The following RASSF4 variants were observed in gnomAD, a reference collection of about 807,000 sequenced individuals.
RASSF4 encodes ras association domain-containing protein 4.
Under a neutral mutation model 41.1 loss-of-function variants are expected in RASSF4, and 38 were observed. The ratio of observed to expected loss-of-function variants is 0.92; its 90% CI spans 0.71 to 1.21. RASSF4 has a LOEUF of 1.21. Ranked by LOEUF, RASSF4 falls within the 50% of genes most tolerant of loss-of-function variation. RASSF4 has a pLI of 0.00. For synonymous variants in RASSF4, 179 were observed against 163.4 expected (o/e 1.10, Z -0.73); for missense variants, 414 against 419.4 (o/e 0.99, Z 0.11).
intron 3 of RASSF4, among the ~76,000 whole-genome samples, chr10:44,975,222 G>A (rs1368401682): frequency 2.0e-5 from 3 of 152,148 alleles, no homozygotes; most frequent in Non-Finnish European, 2.9e-5. Context: ...CGGGGGCTCC[G>A]TCTCTCCCAG....
At position 44,977,203 on chromosome 10, in the gene RASSF4, C is replaced by A. The variant is rs547628077; in HGVS notation, c.139-5318C>A. On this transcript the variant is annotated intron_variant, in intron 3 of 10. Coordinates refer to ENST00000340258, the MANE Select transcript of RASSF4 (RefSeq NM_032023.4). Reference sequence around the variant, plus strand: ...TCAGAGCGAACGGGATTGGTAACATCTCCTCATGTGAAACAGGCTGTTATC... The same window carrying A: ...TCAGAGCGAACGGGATTGGTAACATATCCTCATGTGAAACAGGCTGTTATC... The A allele has an allele frequency of 1.8e-5, 12 of 682,160 alleles. 1 individual carries two copies. In the South Asian group the frequency reaches 3.1e-4, roughly 18 times the overall value. The allele number at this position is 682,160 out of a possible 1,614,324, so 42.3% of individuals were successfully genotyped here.
intron 5 of RASSF4, chr10:44,984,468 C>A: frequency 4.1e-6 from 2 of 488,066 alleles, no homozygotes; most frequent in South Asian, 3.0e-5. Context: ...CCTGCTCACT[C>A]ATCCTTTTTA....
chr10:44,977,608 G>A, intron 3 of RASSF4: 3 of 1,613,306 alleles, frequency 1.9e-6, no homozygotes, highest in Non-Finnish European at 2.5e-6. Flanking sequence ...TGGGCTTGCT[G>A]CTGTCCATCT....
chr10:44,985,071 T>C (rs1841870725), intron 6 of RASSF4, 101 bp downstream of exon 6: 8 of 1,359,812 alleles, frequency 5.9e-6, no homozygotes, highest in Non-Finnish European at 8.1e-6. Flanking sequence ...CTGGCATTCC[T>C]GTGCCCTCAG....
chr10:44,964,345 G>A (rs1316324133), intron 1 of RASSF4, among the ~76,000 whole-genome samples: 1 of 152,260 alleles, frequency 6.6e-6, no homozygotes. Context: ...GGAAACAGGC[G>A]TGGAGGCCTG....
At chr10:44,982,026 C>A (rs974054340) in intron 3 of RASSF4, 1 of 170,628 alleles carries the variant, frequency 5.9e-6, no homozygotes, top group Non-Finnish European at 1.2e-5. Context: ...TTGGAAGGCA[C>A]CGGGAGAAGG....
chr10:44,977,252 C>T (rs1320232589), intron 3 of RASSF4: 3 of 1,143,986 alleles, frequency 2.6e-6, no homozygotes, highest in East Asian at 2.4e-5. Flanking sequence ...GTCGGTCTCA[C>T]TGTGAACTGC....
At chr10:44,968,791 G>A (rs140894630) in intron 1 of RASSF4, among the ~76,000 whole-genome samples, 1 of 152,346 alleles carries the variant, frequency 6.6e-6, no homozygotes, top group African/African-American at 2.4e-5. Context: ...GACATGATGG[G>A]TTTGTGTGAA....
intron 1 of RASSF4, among the ~76,000 whole-genome samples, chr10:44,969,964 T>G (rs1297698390): frequency 6.6e-6 from 1 of 152,252 alleles, no homozygotes; most frequent in Non-Finnish European, 1.5e-5. Context: ...TGGCTCAGCA[T>G]GACCTTGCCC....
intron 6 of RASSF4, among the ~76,000 whole-genome samples, chr10:44,986,764 G>A (rs898965494): frequency 6.6e-6 from 1 of 152,220 alleles, no homozygotes; most frequent in African/African-American, 2.4e-5. Flanking sequence ...ATAATTCCTA[G>A]CATTGAATTT....
chr10:44,964,928 G>A (rs1337017388), intron 1 of RASSF4, among the ~76,000 whole-genome samples: 3 of 152,234 alleles, frequency 2.0e-5, no homozygotes, highest in African/African-American at 7.2e-5. Flanking sequence ...GCACAGTGTT[G>A]AGATCTGCAG....
intron 8 of RASSF4, chr10:44,990,741 T>A (rs1842078029): frequency 6.4e-6 from 3 of 471,700 alleles, no homozygotes; most frequent in Non-Finnish European, 1.1e-5. Context: ...CTCCACTTAA[T>A]CCTTATGCCA....
Position 44,991,935 on chromosome 10 carries a change from G to A in RASSF4, c.838G>A (p.Val280Met), listed in dbSNP as rs1398052821. The A allele has an allele frequency of 6.2e-7, 1 of 1,613,474 alleles. No individual in the cohort carries two copies. The highest frequency in any genetic ancestry group is 1.1e-5 in the South Asian group (1 of 91,058). ...VAQYIKFEMP[V>M]LDSFVEKLKE... ...TCAGTACATTAAGTTTGAAATGCCG[G>A]TGCTGGACAGTTTTGTTGAAAAATT... The change falls in exon 10 of 11, where the codon GTG (valine) becomes ATG (methionine). Residue 280 changes from valine to methionine, a missense_variant. Coordinates refer to ENST00000340258, the MANE Select transcript of RASSF4 (RefSeq NM_032023.4).
At chr10:44,971,872 G>A in intron 3 of RASSF4, 24 bp downstream of exon 3, 2 of 1,579,158 alleles carry the variant, frequency 1.3e-6, no homozygotes, top group East Asian at 4.5e-5. Flanking sequence ...TCTTGTTCAT[G>A]GGGTCACCAT....
At chr10:44,971,550 C>T (rs972865781) in intron 2 of RASSF4, 1 of 673,948 alleles carries the variant, frequency 1.5e-6, no homozygotes, top group East Asian at 2.9e-5. Context: ...GTGAGTCTCG[C>T]CTCCTCCTCA....
At chr10:44,982,168 T>A (rs895674626) in intron 3 of RASSF4, 8 of 318,608 alleles carry the variant, frequency 2.5e-5, no homozygotes, top group Non-Finnish European at 4.7e-5. Context: ...GGCAGAGAGG[T>A]CCCCTGCTTG....
chr10:44,991,842 G>A (rs1201039342), intron 9 of RASSF4, 63 bp from the exon 10 acceptor site: 1 of 1,187,736 alleles, frequency 8.4e-7, no homozygotes, highest in Non-Finnish European at 1.2e-6. Context: ...AAGCCTTGAG[G>A]AAAAGAAAAC....
At chr10:44,982,203 C>T (rs1841735213) in intron 3 of RASSF4, 3 of 385,784 alleles carry the variant, frequency 7.8e-6, no homozygotes, top group Non-Finnish European at 1.4e-5. Context: ...GCTGTGCGTC[C>T]CTGGAACCAC....
intron 1 of RASSF4, among the ~76,000 whole-genome samples, chr10:44,961,377 A>T (rs1840702629): frequency 6.6e-6 from 1 of 152,244 alleles, no homozygotes; most frequent in Non-Finnish European, 1.5e-5. Flanking sequence ...AAAGAACATG[A>T]ACGAAACTTG....
Sources: allele counts gnomAD v4.1 joint callset (sites outside exome capture counted in the v4.1 genomes callset), GRCh38; gene constraint gnomAD v4.1.1; transcripts MANE v1.5; gene names NCBI Gene and HGNC (gene_info 2026-07-23, HGNC 2026-07-21).